The following TTC1 variants were observed in gnomAD, a reference collection of about 807,000 sequenced individuals.
TTC1 encodes tetratricopeptide repeat protein 1.
Under a neutral mutation model 37.6 loss-of-function variants are expected in TTC1, and 31 were observed. That is an observed-to-expected ratio of 0.82 (90% CI 0.62 to 1.11). The LOEUF (loss-of-function observed/expected upper bound fraction) is 1.11. Among genes scored for constraint, TTC1 ranks in the 50% most tolerant of loss-of-function variants. The pLI is 0.00. For synonymous variants in TTC1, 127 were observed against 122.4 expected, an observed-to-expected ratio of 1.04 and a Z score of -0.25; for missense variants, 351 against 339.0, an observed-to-expected ratio of 1.04 and a Z score of -0.28.
chr5:160,048,359 C>T (rs750175230), intron 5 of TTC1, among the ~76,000 whole-genome samples: 3 of 151,984 alleles, frequency 2.0e-5, no homozygotes, highest in Non-Finnish European at 4.4e-5. Flanking sequence ...GCCATGTTGG[C>T]TAGGCTGACG....
intron 7 of TTC1, among the ~76,000 whole-genome samples, chr5:160,058,571 C>T (rs558963944): frequency 4.6e-5 from 7 of 152,080 alleles, no homozygotes; most frequent in African/African-American, 1.2e-4. Flanking sequence ...CCACCAAGCC[C>T]GGCTAATTTT....
At chr5:160,021,546 A>AT (rs1047277578) in intron 2 of TTC1, among the ~76,000 whole-genome samples, 4 of 152,116 alleles carry the variant, frequency 2.6e-5, no homozygotes, top group Non-Finnish European at 5.9e-5. Flanking sequence ...TAGATCAGTC[A>AT]TTTTTTTCCT....
chr5:160,010,306 A>G (rs1756473082), intron 1 of TTC1, among the ~76,000 whole-genome samples, 194 bp from the exon 2 acceptor site: 1 of 151,520 alleles, frequency 6.6e-6, no homozygotes, highest in Admixed American at 6.6e-5. Context: ...TTGACCAGAA[A>G]AGGGGTCTCA....
At chr5:160,039,600 A>G (rs1330869592) in intron 4 of TTC1, among the ~76,000 whole-genome samples, 7 of 152,028 alleles carry the variant, frequency 4.6e-5, no homozygotes, top group African/African-American at 1.7e-4. Context: ...TAATTCCTTG[A>G]TTTGAGGAGA....
At chr5:160,032,387 C>T (rs922898608) in intron 2 of TTC1, among the ~76,000 whole-genome samples, 2 of 152,146 alleles carry the variant, frequency 1.3e-5, no homozygotes, top group African/African-American at 2.4e-5. Flanking sequence ...TAACTGTTAA[C>T]TGAATTTGTT....
chr5:160,024,893 G>T (rs1192850922), intron 2 of TTC1, among the ~76,000 whole-genome samples: 11 of 152,058 alleles, frequency 7.2e-5, no homozygotes, highest in African/African-American at 2.4e-4. Flanking sequence ...GGGTGCAGTG[G>T]CACGATTCCA....
intron 7 of TTC1, 33 bp from the exon 8 acceptor site, chr5:160,064,899 G>A (rs1753553844): frequency 2.5e-6 from 4 of 1,601,010 alleles, no homozygotes; most frequent in Admixed American, 1.8e-5. Context: ...GTTCATTCCT[G>A]TATTCATTTG....
rs917815361 is a variant in TTC1 at position 160,046,606 on chromosome 5, G to A, written c.542-2908G>A. 2.0e-5 allele frequency among the ~76,000 whole-genome samples: 3 copies of A among 151,268 alleles called. No individual in the cohort carries two copies. In the Admixed American group the frequency reaches 2.0e-4, roughly 10 times the overall value. ...ACCTTGTGTGTATATTTCAAAACAT[G>A]TTATGTTATATTTATGTTTATGTTA... On this transcript the variant is annotated intron_variant, in intron 5 of 7. Coordinates refer to ENST00000231238, the MANE Select transcript of TTC1 (RefSeq NM_003314.3).
At chr5:160,031,222 T>G (rs2113363646) in intron 2 of TTC1, among the ~76,000 whole-genome samples, 1 of 152,306 alleles carries the variant, frequency 6.6e-6, no homozygotes, top group East Asian at 1.9e-4. Flanking sequence ...TTACTCTTAA[T>G]TTGCACAATC....
chr5:160,029,331 C>A (rs1359787604), intron 2 of TTC1, among the ~76,000 whole-genome samples: 2 of 151,976 alleles, frequency 1.3e-5, no homozygotes, highest in African/African-American at 4.8e-5. Flanking sequence ...TTTCTAAACA[C>A]TATTCCACAC....
chr5:160,038,659 C>CT (rs541012506), intron 4 of TTC1, among the ~76,000 whole-genome samples: 10,499 of 120,080 alleles, frequency 0.087, 669 homozygotes, highest in Admixed American at 0.14. Flanking sequence ...AGTTGCGTTT[C>CT]TTTTTTTTTT....
In TTC1 at chr5:160,026,291, A is replaced by G. The variant is rs535398266; in HGVS notation, c.331-8849A>G. On this transcript the variant is annotated intron_variant, in intron 2 of 7. Transcript: ENST00000231238. ...CAGTGTTCTCTATCTTAATTTGTAT[A>G]GTAGTTTTGTGAATGTATATTTTGC... Among the ~76,000 whole-genome samples the G allele has an allele frequency of 1.6e-3, 238 of 152,308 alleles. 3 individuals carry two copies. The highest frequency in any genetic ancestry group is 5.5e-3 in the African/African-American group (230 of 41,568).
intron 1 of TTC1, among the ~76,000 whole-genome samples, chr5:160,009,835 A>T (rs1756464199): frequency 6.6e-6 from 1 of 152,074 alleles, no homozygotes; most frequent in South Asian, 2.1e-4. Context: ...TACCACACGC[A>T]TTTGGGTTAA....
chr5:160,009,456 A>G (rs973914049), intron 1 of TTC1, among the ~76,000 whole-genome samples: 14 of 152,128 alleles, frequency 9.2e-5, no homozygotes, highest in African/African-American at 1.4e-4. Flanking sequence ...CGTTGGCGTG[A>G]TTTTGCTGCG....
Position 160,057,311 on chromosome 5 carries a change from A to C in TTC1, c.745+6128A>C, listed in dbSNP as rs756740951. 7.9e-5 allele frequency among the ~76,000 whole-genome samples: 12 copies of C among 152,214 alleles called. No homozygotes were observed. Among genetic ancestry groups the C allele is most frequent in the Non-Finnish European group, 1.3e-4 (9 of 68,030 alleles). ...AGGTTCAGTTCCAGACCAGCACAAT[A>C]AAGCGAGTCACAAGAATTTTTTGTT... is the stretch of plus-strand genomic sequence containing the variant. On this transcript the variant is annotated intron_variant, in intron 7 of 7. Transcript: ENST00000231238. The surrounding 1 kb of genome is among the most constrained non-coding windows in gnomAD (Gnocchi z 4.4).
chr5:160,049,318 T>A (rs532900738), intron 5 of TTC1, among the ~76,000 whole-genome samples, 196 bp from the exon 6 acceptor site: 41 of 152,314 alleles, frequency 2.7e-4, no homozygotes, highest in African/African-American at 8.7e-4. Flanking sequence ...ACACAGATGG[T>A]CTGTCTGACC....
intron 7 of TTC1, among the ~76,000 whole-genome samples, chr5:160,055,492 C>T (rs1040151230): frequency 6.6e-6 from 1 of 152,212 alleles, no homozygotes; most frequent in Non-Finnish European, 1.5e-5. Context: ...AGTTGCAAAG[C>T]AAGTTAACCT....
At chr5:160,018,741 A>G (rs897282350) in intron 2 of TTC1, among the ~76,000 whole-genome samples, 2 of 152,204 alleles carry the variant, frequency 1.3e-5, no homozygotes, top group Non-Finnish European at 2.9e-5. Flanking sequence ...CAGTTCTTAT[A>G]CAGAGAATGG....
chr5:160,024,011 C>A (rs956301797), intron 2 of TTC1: 8 of 1,461,574 alleles, frequency 5.5e-6, no homozygotes, highest in African/African-American at 1.4e-5. Context: ...TGCAAAGTGG[C>A]CTTTACAGCC....
Sources: gnomAD v4.1 joint callset for allele counts (sites outside exome capture counted in the v4.1 genomes callset) on GRCh38, gnomAD v4.1.1 for gene constraint, Gnocchi (gnomAD v3.1) non-coding constraint, MANE v1.5 for transcripts, NCBI Gene and HGNC (gene_info 2026-07-23, HGNC 2026-07-21) for gene names.